Variants in NPC1 observed in about 807,000 individuals in gnomAD.
NPC1 encodes the protein Niemann-Pick C1 protein.
A neutral mutation model predicts 140.4 loss-of-function variants in NPC1; 85 were observed. That is an observed-to-expected ratio of 0.61 (90% CI 0.51 to 0.72). The LOEUF (loss-of-function observed/expected upper bound fraction) is 0.72. Among genes scored for constraint, NPC1 ranks in the 30% least tolerant of loss-of-function variants. NPC1 has a pLI of 0.00. For missense variants in NPC1, 1,504 were observed against 1,623.8 expected (o/e 0.93, Z 1.27); for synonymous variants, 656 against 624.8 (o/e 1.05, Z -0.74).
chr18:23,559,253 G>C (rs1041745075), intron 6 of NPC1, among the ~76,000 whole-genome samples: 1 of 152,142 alleles, frequency 6.6e-6, no homozygotes, highest in African/African-American at 2.4e-5. Flanking sequence ...TGGGATGGCT[G>C]GGTCAAATGG....
chr18:23,517,667 C>T (rs1396781603), downstream of NPC1, among the ~76,000 whole-genome samples: 1 of 151,976 alleles, frequency 6.6e-6, no homozygotes, highest in African/African-American at 2.4e-5. Flanking sequence ...GTATAATGTT[C>T]TTTCATTTCT....
At chr18:23,540,320 T>A in intron 17 of NPC1, 128 bp downstream of exon 17, 1 of 723,016 alleles carries the variant, frequency 1.4e-6, no homozygotes, top group Non-Finnish European at 2.4e-6. Flanking sequence ...CTCCTAACCC[T>A]GGAAACCCTG....
intron 1 of NPC1, among the ~76,000 whole-genome samples, chr18:23,575,526 G>A (rs568437396): frequency 6.6e-6 from 1 of 152,010 alleles, no homozygotes; most frequent in East Asian, 1.9e-4. Context: ...CTACCTCACA[G>A]GTTCCTGTGA....
In NPC1 at chr18:23,538,563, G is replaced by A. The variant is rs764789542; in HGVS notation, c.3020C>T (p.Pro1007Leu). ...TTACCCTTTGCCACACTTGGGGTTA[G>A]GGTTATCCGAAAGGAACATGGGCAG... ...RFLPMFLSDN[P>L]NPKCGKGGHA... Residue 1007 changes from proline (P) to leucine (L), a missense_variant, in exon 20 of 25, where the codon CCT (proline) becomes CTT (leucine). Coordinates refer to ENST00000269228, the MANE Select transcript of NPC1 (RefSeq NM_000271.5). 3 of 1,614,140 alleles carry A rather than the reference G, an allele frequency of 1.9e-6. No homozygotes were observed. The South Asian group carries it at 3.3e-5, about 18-fold the overall frequency.
chr18:23,542,498 C>T (rs931017875), intron 14 of NPC1, among the ~76,000 whole-genome samples: 1 of 152,218 alleles, frequency 6.6e-6, no homozygotes, highest in Non-Finnish European at 1.5e-5. Flanking sequence ...GTCCAGCCTC[C>T]CCTATAGTGG....
At chr18:23,586,111 G>C (rs1773594882) in intron 1 of NPC1, among the ~76,000 whole-genome samples, 176 bp downstream of exon 1, 1 of 152,214 alleles carries the variant, frequency 6.6e-6, no homozygotes, top group African/African-American at 2.4e-5. Flanking sequence ...CCAGACCACA[G>C]GAAAGAGAGC....
chr18:23,571,045 A>G (rs1008375604), intron 3 of NPC1, among the ~76,000 whole-genome samples: 37 of 152,290 alleles, frequency 2.4e-4, no homozygotes, highest in Non-Finnish European at 7.4e-5. Flanking sequence ...CCCACAGTGC[A>G]CAGCTCAAGT....
downstream of NPC1, among the ~76,000 whole-genome samples, chr18:23,517,919 T>C (rs1390996403): frequency 6.6e-6 from 1 of 152,156 alleles, no homozygotes; most frequent in Non-Finnish European, 1.5e-5. Context: ...AGTTTCACCA[T>C]GTTGCCCAGG....
At chr18:23,583,582 AC>A (rs2145593277) in intron 1 of NPC1, among the ~76,000 whole-genome samples, 1 of 152,026 alleles carries the variant, frequency 6.6e-6, no homozygotes, top group South Asian at 2.1e-4. Flanking sequence ...AGAAAGGGGC[AC>A]CCGAGATCAG....
At position 23,568,802 on chromosome 18, in the gene NPC1, AAT is replaced by A; in HGVS notation, c.463+19_463+20del. On this transcript the variant is annotated intron_variant, in intron 4 of 24. Coordinates refer to ENST00000269228, the MANE Select transcript of NPC1 (RefSeq NM_000271.5). ...GTCCTGATGCCAGCTGTAAAAGAGGAATAATTAAAAGTTTACTTACCATTGGC... is the reference window on the plus strand; with the variant it reads ...GTCCTGATGCCAGCTGTAAAAGAGGAAATTAAAAGTTTACTTACCATTGGC... The A allele has an allele frequency of 6.3e-7, 1 of 1,598,212 alleles. No homozygotes were observed. Among genetic ancestry groups the A allele is most frequent in the South Asian group, 1.1e-5 (1 of 90,774 alleles).
intron 14 of NPC1, 42 bp downstream of exon 14, chr18:23,543,413 C>A: frequency 8.9e-7 from 1 of 1,120,094 alleles, no homozygotes; most frequent in South Asian, 1.2e-5. Context: ...TTTCTCCAGG[C>A]TCAGCAGACT....
At chr18:23,554,705 C>T (rs1287597546) in intron 9 of NPC1, 53 bp downstream of exon 9, 11 of 1,434,738 alleles carry the variant, frequency 7.7e-6, no homozygotes, top group East Asian at 6.9e-5. Context: ...GCCCATGTAC[C>T]CTAAGTCAGA....
chr18:23,535,337 C>T, intron 22 of NPC1, 132 bp downstream of exon 22: 1 of 738,832 alleles, frequency 1.4e-6, no homozygotes, highest in Non-Finnish European at 2.4e-6. Context: ...TCCTGCCTCT[C>T]CATGTGTGCC....
intron 3 of NPC1, among the ~76,000 whole-genome samples, chr18:23,515,362 G>A (rs1567919512): frequency 6.6e-6 from 1 of 152,136 alleles, no homozygotes; most frequent in Non-Finnish European, 1.5e-5. Context: ...CCTCTCAGTC[G>A]TGGCAAAGAG....
intron 14 of NPC1, 109 bp downstream of exon 14, chr18:23,543,346 A>AT: frequency 3.0e-6 from 2 of 660,164 alleles, no homozygotes; most frequent in Non-Finnish European, 2.7e-6. Context: ...AAAAAAAAAA[A>AT]GAAAAAAAAA....
intron 1 of NPC1, among the ~76,000 whole-genome samples, chr18:23,523,688 C>T (rs536065014): frequency 6.0e-4 from 91 of 151,934 alleles, no homozygotes; most frequent in South Asian, 2.7e-3. Context: ...AACTACTGCA[C>T]TCAAGCCTGG....
intron 3 of NPC1, chr18:23,506,891 T>A: frequency 1.0e-6 from 1 of 989,750 alleles, no homozygotes; most frequent in Non-Finnish European, 1.6e-6. Context: ...GAATATAGAT[T>A]GTGTCTTTTG....
In NPC1 at chr18:23,539,455, G is replaced by A. The variant is rs747545090; in HGVS notation, c.2811C>T (p.Phe937=). The change falls in exon 19 of 25, where the codon TTC becomes TTT. Residue 937 remains phenylalanine, a synonymous_variant. Transcript: ENST00000269228. ...AATCGTCGATCCAGGACGAGGGGGC[G>A]AAGCCTATTCGGGTACTAGAGAGGA... ...AQLDNYTRIG[F]APSSWIDDYF... is the part of the protein sequence containing the mutation. The A allele has an allele frequency of 6.8e-6, 11 of 1,612,812 alleles. No individual in the cohort carries two copies. The highest frequency in any genetic ancestry group is 3.3e-5 in the South Asian group (3 of 90,756).
At chr18:23,529,915 G>A, downstream of NPC1, 1 of 1,135,032 alleles carries the variant, frequency 8.8e-7, no homozygotes, top group Non-Finnish European at 1.3e-6. Flanking sequence ...ACCACTTCTT[G>A]TAATGACAGA....
Sources: gnomAD v4.1 joint callset for allele counts (sites outside exome capture counted in the v4.1 genomes callset) on GRCh38, gnomAD v4.1.1 for gene constraint, MANE v1.5 for transcripts, NCBI Gene and HGNC (gene_info 2026-07-23, HGNC 2026-07-21) for gene names.